Variants in GAS2L2 observed in about 807,000 individuals in gnomAD.
GAS2L2 encodes the protein growth arrest specific 2 like 2, also known as GAS2-like protein 2.
Under a neutral mutation model 35.2 loss-of-function variants are expected in GAS2L2, and 21 were observed. The observed-to-expected ratio is 0.60, with a 90% confidence interval of 0.42 to 0.86. GAS2L2 has a LOEUF of 0.86. GAS2L2 is among the 40% of genes least tolerant of loss of function. GAS2L2 has a pLI of 0.00. For missense variants in GAS2L2, 1,169 were observed against 1,144.4 expected (o/e 1.02, Z -0.31); for synonymous variants, 490 against 473.2 (o/e 1.04, Z -0.46).
intron 2 of GAS2L2, among the ~76,000 whole-genome samples, chr17:35,749,441 C>T (rs2085689976): frequency 6.6e-6 from 1 of 152,226 alleles, no homozygotes; most frequent in African/African-American, 2.4e-5. Context: ...ATGGAAGCGG[C>T]AGAGTGCCAC....
At chr17:35,752,149 A>G (rs587744873) in intron 1 of GAS2L2, among the ~76,000 whole-genome samples, 1 of 152,270 alleles carries the variant, frequency 6.6e-6, no homozygotes, top group African/African-American at 2.4e-5. Context: ...CTCTTGCTAG[A>G]CCATGAATTT....
rs1555598909 is a variant in GAS2L2 at position 35,746,025 on chromosome 17, A to G, written c.1472T>C (p.Val491Ala). The G allele has an allele frequency of 6.4e-7, 1 of 1,555,716 alleles. No homozygotes were observed. The highest frequency in any genetic ancestry group is 2.3e-5 in the East Asian group (1 of 44,286). Residue 491 changes from valine to alanine, a missense_variant, in exon 6 of 6, where the codon GTC becomes GCC. Around this residue, in one of 3 missense-constraint regions of GAS2L2, gnomAD observed 1,035 missense variants for 976.5 expected, o/e 1.06. Coordinates refer to ENST00000604641, the MANE Select transcript of GAS2L2 (RefSeq NM_139285.4). The stretch of plus-strand genomic sequence containing the variant: ...GCCTTGGACAGGGGTTGGAGAACGG[A>G]CAGACTCTGGCTCCCTGAACTGGAA... Reference protein sequence around the residue: ...AFFQFREPESVRSPTPVQGLT... With the variant: ...AFFQFREPESARSPTPVQGLT...
At chr17:35,752,290 A>T (rs587634126) in intron 1 of GAS2L2, among the ~76,000 whole-genome samples, 176 bp downstream of exon 1, 2 of 152,298 alleles carry the variant, frequency 1.3e-5, no homozygotes, top group East Asian at 1.9e-4. Flanking sequence ...ATATTTATTT[A>T]TTGAGGATTT....
In GAS2L2 at chr17:35,744,732, C is replaced by T. The variant is rs781844643; in HGVS notation, c.*122G>A. The T allele has an allele frequency of 1.3e-6, 1 of 751,030 alleles. No individual in the cohort carries two copies. The highest frequency in any genetic ancestry group is 2.1e-6 in the Non-Finnish European group (1 of 465,388). The allele number at this position is 751,030 out of a possible 1,614,324, so 46.5% of individuals were successfully genotyped here. A position where few individuals can be genotyped will look rare whatever the true frequency, so the allele number is the denominator to read the frequency against. On this transcript the variant is annotated 3_prime_UTR_variant, in exon 6 of 6. Transcript: ENST00000604641. ...ATGGAGTCTATATTTGTCTTCTGAC[C>T]CACTCCTGCCCAAGGCCCTGTGTGG...
Position 35,744,716 on chromosome 17 carries a change from A to G in GAS2L2, c.*138T>C, listed in dbSNP as rs965220123. The G allele has an allele frequency of 3.0e-6, 2 of 672,770 alleles. No individual in the cohort carries two copies. Among genetic ancestry groups the G allele is most frequent in the Non-Finnish European group, 2.5e-6 (1 of 398,190 alleles). The allele number at this position is 672,770 out of a possible 1,614,324, so 41.7% of individuals were successfully genotyped here. ...TTGCTCAGATGAGCAGATGGAGTCT[A>G]TATTTGTCTTCTGACCCACTCCTGC... is the stretch of plus-strand genomic sequence containing the variant. On this transcript the variant is annotated 3_prime_UTR_variant, in exon 6 of 6. Coordinates refer to ENST00000604641, the MANE Select transcript of GAS2L2 (RefSeq NM_139285.4).
At chr17:35,750,602 G>GCTGTGA (rs1284797723) in intron 1 of GAS2L2, among the ~76,000 whole-genome samples, 1 of 152,178 alleles carries the variant, frequency 6.6e-6, no homozygotes, top group Admixed American at 6.5e-5. Context: ...CTGGAGACTG[G>GCTGTGA]CTGTGACTGT....
Position 35,747,892 on chromosome 17 carries a change from G to A in GAS2L2, c.789C>T (p.Gly263=), listed in dbSNP as rs2085679251. ...AGGGGTCATGTTTGTCCAGGTAATGGCCCAGTGTGTCCCAGCCGCCCCCTA... is the reference window on the plus strand; with the variant it reads ...AGGGGTCATGTTTGTCCAGGTAATGACCCAGTGTGTCCCAGCCGCCCCCTA... ...VRVGGGWDTL[G]HYLDKHDPCR... The change falls in exon 4 of 6, where the codon GGC becomes GGT. Residue 263 remains glycine, a synonymous_variant. Coordinates refer to ENST00000604641, the MANE Select transcript of GAS2L2 (RefSeq NM_139285.4). 2 of 1,613,718 alleles carry A rather than the reference G, an allele frequency of 1.2e-6. No individual in the cohort carries two copies. The highest frequency in any genetic ancestry group is 2.7e-5 in the African/African-American group (2 of 74,860).
chr17:35,747,288 G>A lies in GAS2L2; in HGVS notation c.833-20C>T, dbSNP rs587713204. On this transcript the variant is annotated intron_variant, in intron 4 of 5. Transcript: ENST00000604641. ...TGTGTGCTACCAACAGTCCCCCGGA[G>A]AAAGGAGAGGAGAGAAGGGTTCAGT... 6.3e-7 allele frequency: 1 copy of A among 1,593,302 alleles called. No individual in the cohort carries two copies. Among genetic ancestry groups the A allele is most frequent in the Non-Finnish European group, 8.6e-7 (1 of 1,168,430 alleles).
At position 35,744,862 on chromosome 17, in the gene GAS2L2, A is replaced by G. The variant is rs369433028; in HGVS notation, c.2635T>C (p.Trp879Arg). Reference protein sequence around the residue: ...QAPLPPEEESWV With the variant: ...QAPLPPEEESRV ...CAACACGCTCATGTGCCTCAGACCC[A>G]GGACTCCTCCTCAGGTGGAAGTGGA... The change falls in exon 6 of 6, where the codon TGG becomes CGG. Residue 879 changes from tryptophan (W) to arginine (R), a missense_variant. Physicochemically the swap from Trp to Arg is moderately radical, Grantham distance 101. This residue lies in a region of GAS2L2 where 1,035 missense variants were observed against 976.5 expected (regional missense o/e 1.06). Transcript: ENST00000604641. The G allele has an allele frequency of 2.1e-5, 33 of 1,583,462 alleles. No individual in the cohort carries two copies. The highest frequency in any genetic ancestry group is 2.7e-5 in the African/African-American group (2 of 74,198).
chr17:35,747,973 CG>C (rs200562123), intron 3 of GAS2L2, 28 bp from the exon 4 acceptor site: 33,232 of 1,580,952 alleles, frequency 0.021, 416 homozygotes, highest in Non-Finnish European at 0.025. Flanking sequence ...AGGTTAAGGG[CG>C]GGGTGGAGGG....
rs782509335 is a variant in GAS2L2, at chr17:35,745,972, G to C, written c.1525C>G (p.Pro509Ala). ...GLTKIPIRLP[P>A]ARPPTPGRSF... ...CTTCCTGGTGTTGGGGGGCGAGCAG[G>C]GGGCAGCCGGATGGGGATCTTGGTT... The change falls in exon 6 of 6, where the codon CCT (proline) becomes GCT (alanine). Residue 509 changes from proline to alanine, a missense_variant. Physicochemically the swap from Pro to Ala is conservative, Grantham distance 27. This residue lies in a region of GAS2L2 where 1,035 missense variants were observed against 976.5 expected (regional missense o/e 1.06). Coordinates refer to ENST00000604641, the MANE Select transcript of GAS2L2 (RefSeq NM_139285.4). The C allele has an allele frequency of 1.9e-6, 3 of 1,601,746 alleles. No individual in the cohort carries two copies. The highest frequency in any genetic ancestry group is 2.2e-5 in the East Asian group (1 of 44,670).
chr17:35,749,212 C>T lies in GAS2L2; in HGVS notation c.633G>A (p.Gln211=). The T allele has an allele frequency of 6.2e-7, 1 of 1,611,590 alleles. No homozygotes were observed. The highest frequency in any genetic ancestry group is 8.5e-7 in the Non-Finnish European group (1 of 1,178,380). ...CHFRNLDQMV[Q]SLVSHCTCPV... ...GGCACGTGCAGTGGCTCACAAGGCT[C>T]TGCACCTGCGGGCGGGTGGTGAACT... Residue 211 remains glutamine (Q), a synonymous_variant, in exon 3 of 6, where the codon CAG becomes CAA. Transcript: ENST00000604641.
rs1253337161 is a variant in GAS2L2 at position 35,750,230 on chromosome 17, C to A, written c.474G>T (p.Ala158=). The A allele has an allele frequency of 1.9e-6, 3 of 1,613,878 alleles. No homozygotes were observed. The highest frequency in any genetic ancestry group is 2.5e-6 in the Non-Finnish European group (3 of 1,179,856). The part of the protein sequence containing the change: ...VLCLLELGRR[A]WRFGVAAPTL... ...TGGGCGCCGCAACACCAAAGCGCCA[C>A]GCCCGGCGGCCCAGCTCCAGCAAAC... Residue 158 remains alanine (A), a synonymous_variant, in exon 2 of 6, where the codon GCG becomes GCT. Coordinates refer to ENST00000604641, the MANE Select transcript of GAS2L2 (RefSeq NM_139285.4).
chr17:35,752,889 T>G lies in GAS2L2; in HGVS notation c.-39A>C. ...CAGGGCAGGAGGTGGGCACCTCCCC[T>G]CTCCCACTGCCGCCTCTTTCCTCCC... On this transcript the variant is annotated 5_prime_UTR_variant, in exon 1 of 6. Transcript: ENST00000604641. 1.3e-6 allele frequency: 2 copies of G among 1,535,900 alleles called. No homozygotes were observed. The highest frequency in any genetic ancestry group is 1.8e-6 in the Non-Finnish European group (2 of 1,140,996).
In GAS2L2 at chr17:35,747,965, G is replaced by A. The variant is rs782527270; in HGVS notation, c.736-20C>T. 32 of 1,601,478 alleles carry A rather than the reference G, an allele frequency of 2.0e-5. No individual in the cohort carries two copies. The Middle Eastern group carries it at 3.3e-3, about 165-fold the overall frequency. On this transcript the variant is annotated intron_variant, in intron 3 of 5. Coordinates refer to ENST00000604641, the MANE Select transcript of GAS2L2 (RefSeq NM_139285.4). ...GAGGATCTGAGGGGGCAAGGGTGAG[G>A]TTAAGGGCGGGGTGGAGGGCAGCCC...
chr17:35,746,200 C>T lies in GAS2L2; in HGVS notation c.1297G>A (p.Gly433Arg), dbSNP rs115955572. ...CGGAGTCTTTGTGGGGTGGGGTTCC[C>T]GGCGTCGGTTCCCCAGCTGTCTGTT... The part of the protein sequence containing the change: ...EETDSWGTDA[G>R]NPTPQRLRAI... The change falls in exon 6 of 6, where the codon GGG becomes AGG. Residue 433 changes from glycine to arginine, a missense_variant. Physicochemically the swap from Gly to Arg is moderately radical, Grantham distance 125. Around this residue, in one of 3 missense-constraint regions of GAS2L2, gnomAD observed 1,035 missense variants for 976.5 expected, o/e 1.06. Transcript: ENST00000604641. 434 of 1,477,972 alleles carry T rather than the reference C, an allele frequency of 2.9e-4. 1 individual carries two copies. The highest frequency in any genetic ancestry group is 2.8e-3 in the African/African-American group (198 of 71,336). 91.6% of individuals were successfully genotyped at this position (1,477,972 alleles called of 1,614,324 possible).
chr17:35,751,540 C>G (rs929048617), intron 1 of GAS2L2, among the ~76,000 whole-genome samples: 6 of 151,820 alleles, frequency 4.0e-5, no homozygotes, highest in African/African-American at 1.5e-4. Context: ...TGGTGGCGGG[C>G]GCCTGTAATC....
Position 35,750,072 on chromosome 17 carries a change from C to G in GAS2L2, c.627+5G>C, listed in dbSNP as rs1555599535. The G allele has an allele frequency of 6.9e-6, 11 of 1,603,540 alleles. No homozygotes were observed. The highest frequency in any genetic ancestry group is 9.4e-6 in the Non-Finnish European group (11 of 1,176,232). ...GGCCCTGAGGGCGTGTGCAGAGCCC[C>G]TCACCATCTGGTCCAGGTTGCGGAA... On this transcript the variant is annotated splice_donor_5th_base_variant and intron_variant, in intron 2 of 5. Coordinates refer to ENST00000604641, the MANE Select transcript of GAS2L2 (RefSeq NM_139285.4).
chr17:35,745,647 A>G lies in GAS2L2; in HGVS notation c.1850T>C (p.Val617Ala). The G allele has an allele frequency of 6.2e-7, 1 of 1,613,930 alleles. No individual in the cohort carries two copies. Among genetic ancestry groups the G allele is most frequent in the Non-Finnish European group, 8.5e-7 (1 of 1,180,028 alleles). Residue 617 changes from valine (V) to alanine (A), a missense_variant, in exon 6 of 6, where the codon GTC becomes GCC. Transcript: ENST00000604641. ...EILGNMKLLE[V>A]RSACPQGTRS... The stretch of plus-strand genomic sequence containing the variant: ...TGTGCCCTGCGGACAGGCACTCCTG[A>G]CTTCTAGCAGCTTCATGTTGCCCAA...
Sources: allele counts gnomAD v4.1 joint callset (sites outside exome capture counted in the v4.1 genomes callset), GRCh38; gene constraint gnomAD v4.1.1; regional missense constraint gnomAD v4.1.1; transcripts MANE v1.5; gene names NCBI Gene and HGNC (gene_info 2026-07-23, HGNC 2026-07-21).